NEDD9: variants seen among roughly 807,000 people sequenced by gnomAD.
NEDD9 encodes the protein enhancer of filamentation 1.
A neutral mutation model predicts 76.6 loss-of-function variants in NEDD9; 26 were observed. The ratio of observed to expected loss-of-function variants is 0.34; its 90% confidence interval spans 0.25 to 0.47. NEDD9 has a LOEUF of 0.47. NEDD9 is among the 20% of genes least tolerant of loss of function. The pLI is 1.00. For synonymous variants in NEDD9, 392 were observed against 414.2 expected, an observed-to-expected ratio of 0.95 and a Z score of 0.65; for missense variants, 937 against 1,058.5, an observed-to-expected ratio of 0.89 and a Z score of 1.59.
At chr6:11,313,601 AGGATGGATGGATGGATGAGT>A (rs1761450358) in intron 2 of NEDD9, among the ~76,000 whole-genome samples, 1 of 150,420 alleles carries the variant, frequency 6.6e-6, no homozygotes, top group East Asian at 2.0e-4. Flanking sequence ...GGTGAATGGA[AGGATGGATGGATGGATGAGT>A]GGATGGATGG....
intron 3 of NEDD9, among the ~76,000 whole-genome samples, chr6:11,247,247 C>G (rs1274408127): frequency 6.6e-6 from 1 of 152,184 alleles, no homozygotes; most frequent in Non-Finnish European, 1.5e-5. Context: ...AAAATTGACG[C>G]CAGCCTCTCT....
At chr6:11,280,106 C>G (rs1368968580) in intron 3 of NEDD9, among the ~76,000 whole-genome samples, 2 of 152,182 alleles carry the variant, frequency 1.3e-5, no homozygotes, top group African/African-American at 4.8e-5. Context: ...GGTCTCTACC[C>G]TCTAGATGTC....
chr6:11,265,998 A>T (rs772148959), intron 3 of NEDD9, among the ~76,000 whole-genome samples: 8 of 148,516 alleles, frequency 5.4e-5, no homozygotes, highest in Non-Finnish European at 1.2e-4. Context: ...ATGCATGGAC[A>T]TAGAGAGTAG....
intron 3 of NEDD9, among the ~76,000 whole-genome samples, chr6:11,302,729 G>A (rs1761081860): frequency 6.6e-6 from 1 of 152,132 alleles, no homozygotes; most frequent in Admixed American, 6.6e-5. Flanking sequence ...ATCTGTAAAT[G>A]TAATCCATCA....
chr6:11,336,571 G>T (rs1022196091), intron 1 of NEDD9, among the ~76,000 whole-genome samples: 2 of 152,186 alleles, frequency 1.3e-5, no homozygotes, highest in African/African-American at 4.8e-5. Flanking sequence ...GTGCTTGCAG[G>T]ACTGGAAATT....
chr6:11,315,544 A>G (rs1761526756), intron 2 of NEDD9, among the ~76,000 whole-genome samples: 1 of 152,254 alleles, frequency 6.6e-6, no homozygotes. Flanking sequence ...TAATATCCCA[A>G]TGCATTGGAC....
intron 3 of NEDD9, among the ~76,000 whole-genome samples, chr6:11,276,165 T>C (rs1760413006): frequency 6.6e-6 from 1 of 152,216 alleles, no homozygotes; most frequent in Admixed American, 6.5e-5. Flanking sequence ...TTAAGAAATC[T>C]AATTAAAACC....
intron 3 of NEDD9, among the ~76,000 whole-genome samples, chr6:11,265,685 A>G (rs1760188329): frequency 6.6e-6 from 1 of 152,196 alleles, no homozygotes; most frequent in Non-Finnish European, 1.5e-5. Flanking sequence ...TGTCATTGGT[A>G]CAGATGAAAT....
intron 2 of NEDD9, among the ~76,000 whole-genome samples, chr6:11,196,087 G>A (rs944673153): frequency 6.6e-6 from 1 of 152,138 alleles, no homozygotes; most frequent in Non-Finnish European, 1.5e-5. Flanking sequence ...CGCGGATCAC[G>A]AGGTCAGGAG....
At chr6:11,250,026 C>A (rs561690828) in intron 3 of NEDD9, among the ~76,000 whole-genome samples, 1 of 152,164 alleles carries the variant, frequency 6.6e-6, no homozygotes, top group African/African-American at 2.4e-5. Context: ...CTGAAGTGGG[C>A]GGTGAGCTCC....
At chr6:11,359,753 A>G (rs891666901) in intron 1 of NEDD9, among the ~76,000 whole-genome samples, 2 of 152,202 alleles carry the variant, frequency 1.3e-5, no homozygotes, top group African/African-American at 2.4e-5. Flanking sequence ...CCCATCCTAT[A>G]AGATTGGTGT....
chr6:11,309,055 C>T (rs1363067969), intron 2 of NEDD9, among the ~76,000 whole-genome samples: 3 of 152,182 alleles, frequency 2.0e-5, no homozygotes, highest in Admixed American at 2.0e-4. Flanking sequence ...GGACTGTTCT[C>T]GTCATTCCCT....
chr6:11,358,235 C>T (rs1400927223), intron 1 of NEDD9, among the ~76,000 whole-genome samples: 1 of 108,872 alleles, frequency 9.2e-6, no homozygotes, highest in Non-Finnish European at 1.7e-5. Context: ...GGCGACAGAG[C>T]AAGACTCCGT....
chr6:11,353,914 G>C (rs969227652), intron 1 of NEDD9, among the ~76,000 whole-genome samples: 7 of 152,218 alleles, frequency 4.6e-5, no homozygotes, highest in Non-Finnish European at 2.9e-5. Context: ...TCAAATGAAT[G>C]TCAGGGCAGG....
At chr6:11,364,331 C>T (rs560374481) in intron 1 of NEDD9, among the ~76,000 whole-genome samples, 4 of 152,256 alleles carry the variant, frequency 2.6e-5, no homozygotes, top group African/African-American at 7.2e-5. Context: ...GTTGCTTTCC[C>T]CTTTGCTGAT....
At chr6:11,296,909 A>T (rs928989683) in intron 3 of NEDD9, among the ~76,000 whole-genome samples, 1 of 152,160 alleles carries the variant, frequency 6.6e-6, no homozygotes, top group Non-Finnish European at 1.5e-5. Context: ...TTGTATTTTT[A>T]GTAGAGACAT....
At chr6:11,279,074 T>C (rs1760476305) in intron 3 of NEDD9, among the ~76,000 whole-genome samples, 1 of 152,252 alleles carries the variant, frequency 6.6e-6, no homozygotes, top group South Asian at 2.1e-4. Flanking sequence ...ATTGTCAATA[T>C]ACTTGATTGA....
intron 3 of NEDD9, among the ~76,000 whole-genome samples, chr6:11,280,009 C>T (rs774210644): frequency 2.6e-5 from 4 of 152,202 alleles, no homozygotes; most frequent in Admixed American, 6.5e-5. Flanking sequence ...GCAGGATTCT[C>T]ATCCTTGGCC....
At position 11,359,264 on chromosome 6, in the gene NEDD9, A is replaced by G. The variant is rs545188940; in HGVS notation, c.-214+22875T>C. Among the ~76,000 whole-genome samples, 72 of 152,348 alleles carry G rather than the reference A, an allele frequency of 4.7e-4. 1 individual carries two copies. The highest frequency in any genetic ancestry group is 1.9e-3 in the Admixed American group (29 of 15,310). ...CTCTGTGTTAGGAAACTCTTGGAGA[A>G]ACAAGCTGAAGCTTTCTATAAAGCC... On this transcript the variant is annotated intron_variant, in intron 1 of 3. Transcript: ENST00000397378.
Sources: allele counts gnomAD v4.1 joint callset (sites outside exome capture counted in the v4.1 genomes callset), GRCh38; gene constraint gnomAD v4.1.1; transcripts MANE v1.5; gene names NCBI Gene and HGNC (gene_info 2026-07-23, HGNC 2026-07-21).